Variants in MYBPC1 observed in about 807,000 individuals in gnomAD.
MYBPC1 encodes the protein myosin binding protein C1.
In MYBPC1, 52 loss-of-function variants were observed where a neutral mutation model predicts 147.1. That is an observed-to-expected ratio of 0.35 (90% CI 0.28 to 0.45). The LOEUF (loss-of-function observed/expected upper bound fraction) is 0.45. Ranked by LOEUF, MYBPC1 falls within the 20% of genes least tolerant of loss-of-function variation. The pLI is 1.00. For missense variants in MYBPC1, 1,228 were observed against 1,440.3 expected (o/e 0.85, Z 2.39); for synonymous variants, 477 against 475.9 (o/e 1.00, Z -0.03).
In MYBPC1 at chr12:101,645,044, G is replaced by A. The variant is rs140270957; in HGVS notation, c.965+248G>A. On this transcript the variant is annotated intron_variant, in intron 12 of 31. Transcript: ENST00000361466. The stretch of plus-strand genomic sequence containing the variant: ...TGTTTTCCAATTATGGTTTTGTGTC[G>A]CTATAGGTTATATGTGATTATTTCA... Among the ~76,000 whole-genome samples the A allele has an allele frequency of 3.3e-4, 50 of 151,938 alleles. 1 individual carries two copies. In the East Asian group the frequency reaches 8.7e-3, roughly 26 times the overall value.
intron 2 of MYBPC1, chr12:101,615,001 C>T (rs1885510071): frequency 4.6e-6 from 1 of 216,108 alleles, no homozygotes; most frequent in Non-Finnish European, 9.3e-6. Context: ...CCAGAAACTC[C>T]CTAGCAGCTA....
intron 15 of MYBPC1, chr12:101,650,915 T>A: frequency 2.6e-6 from 1 of 378,990 alleles, no homozygotes; most frequent in Non-Finnish European, 5.0e-6. Context: ...CAGATGTAAA[T>A]GGGTGTGGCT....
At chr12:101,649,461 G>A (rs1247819605) in intron 15 of MYBPC1, 35 bp downstream of exon 15, 9 of 1,607,028 alleles carry the variant, frequency 5.6e-6, no homozygotes, top group Non-Finnish European at 6.0e-6. Flanking sequence ...TTCTCAGTGG[G>A]CTTATTAATG....
chr12:101,627,013 A>G, intron 4 of MYBPC1, 103 bp downstream of exon 4: 1 of 1,090,048 alleles, frequency 9.2e-7, no homozygotes, highest in Non-Finnish European at 1.4e-6. Flanking sequence ...CAGTGCACAG[A>G]GCAGGGGCAA....
Position 101,642,634 on chromosome 12 carries a change from C to T in MYBPC1, c.832+49C>T, listed in dbSNP as rs767469956. 45 of 1,569,150 alleles carry T rather than the reference C, an allele frequency of 2.9e-5. No individual in the cohort carries two copies. The South Asian group carries it at 5.0e-4, about 17-fold the overall frequency. Reference sequence around the variant, plus strand: ...AGCGGCCGAGGGGCGTGGCAGCGTTCGAAAGCCTTGACCGTGAACCCCATC... The same window carrying T: ...AGCGGCCGAGGGGCGTGGCAGCGTTTGAAAGCCTTGACCGTGAACCCCATC... On this transcript the variant is annotated intron_variant, in intron 11 of 31. Coordinates refer to ENST00000361466, the MANE Select transcript of MYBPC1 (RefSeq NM_002465.4).
chr12:101,608,592 T>C (rs771348260), intron 1 of MYBPC1, among the ~76,000 whole-genome samples: 1 of 152,240 alleles, frequency 6.6e-6, no homozygotes, highest in Non-Finnish European at 1.5e-5. Context: ...CTCCCGACCA[T>C]TGCAACACAG....
chr12:101,647,596 C>G (rs187438507), intron 13 of MYBPC1, among the ~76,000 whole-genome samples: 67 of 152,210 alleles, frequency 4.4e-4, no homozygotes, highest in African/African-American at 1.4e-3. Flanking sequence ...CAAAACAAAA[C>G]AAAACTCACA....
intron 29 of MYBPC1, among the ~76,000 whole-genome samples, chr12:101,681,338 C>T (rs1000249707): frequency 6.6e-6 from 1 of 151,716 alleles, no homozygotes; most frequent in Non-Finnish European, 1.5e-5. Flanking sequence ...AATGTGTTTT[C>T]TCTCATTCTT....
intron 22 of MYBPC1, among the ~76,000 whole-genome samples, chr12:101,665,165 C>G (rs1045734803): frequency 6.6e-6 from 1 of 152,002 alleles, no homozygotes; most frequent in Non-Finnish European, 1.5e-5. Context: ...TGCGTGTGGT[C>G]TGTGTAGATA....
intron 2 of MYBPC1, among the ~76,000 whole-genome samples, chr12:101,616,753 C>A (rs948221052): frequency 6.6e-6 from 1 of 152,178 alleles, no homozygotes; most frequent in African/African-American, 2.4e-5. Context: ...ACACTGCACA[C>A]AATTACATAT....
Position 101,685,988 on chromosome 12 carries a change from C to CT in MYBPC1, c.*435dup, listed in dbSNP as rs891524416. On this transcript the variant is annotated 3_prime_UTR_variant, in exon 32 of 32. Coordinates refer to ENST00000361466, the MANE Select transcript of MYBPC1 (RefSeq NM_002465.4). The stretch of plus-strand genomic sequence containing the variant: ...TTGTTTACATAGTAGGCTATAAATG[C>CT]TTTTTTTTTCCTCTCAGAGTAAAAA... 63 of 175,146 alleles carry CT rather than the reference C, an allele frequency of 3.6e-4. No individual in the cohort carries two copies. The highest frequency in any genetic ancestry group is 2.4e-3 in the Middle Eastern group (1 of 422). The allele number at this position is 175,146 out of a possible 1,614,324, so 10.8% of individuals were successfully genotyped here.
intron 5 of MYBPC1, 157 bp from the exon 6 acceptor site, chr12:101,629,277 C>T (rs541918834): frequency 1.5e-6 from 1 of 681,280 alleles, no homozygotes; most frequent in Non-Finnish European, 2.7e-6. Context: ...TTCCCCTCTA[C>T]TGATGGCTGC....
intron 12 of MYBPC1, 24 bp downstream of exon 12, chr12:101,644,820 G>C (rs1168530894): frequency 2.5e-6 from 4 of 1,608,594 alleles, no homozygotes. Flanking sequence ...GCAAAAATCA[G>C]TGATAGCTCT....
At chr12:101,643,964 TAGAA>T (rs1892578035) in intron 11 of MYBPC1, among the ~76,000 whole-genome samples, 1 of 152,328 alleles carries the variant, frequency 6.6e-6, no homozygotes, top group African/African-American at 2.4e-5. Flanking sequence ...ATCTGTGACT[TAGAA>T]GGAGTGCAGA....
At chr12:101,692,934 T>C in the MYBPC1 span, among the ~76,000 whole-genome samples, 12 of 150,096 alleles carry the variant, frequency 8.0e-5, no homozygotes, top group Non-Finnish European at 1.5e-4. Context: ...GGTTTCTATA[T>C]TTATTACCTT....
chr12:101,679,150 A>G (rs1950764803), intron 28 of MYBPC1, among the ~76,000 whole-genome samples: 2 of 68,772 alleles, frequency 2.9e-5, no homozygotes, highest in Admixed American at 2.5e-4. Context: ...CTCCGTCTCA[A>G]AAAAAAAAAA....
chr12:101,691,263 G>A, the MYBPC1 span, among the ~76,000 whole-genome samples: 1 of 152,076 alleles, frequency 6.6e-6, no homozygotes, highest in African/African-American at 2.4e-5. Context: ...GTAGCGACTG[G>A]GCTTCACCGT....
chr12:101,625,460 A>T (rs767209763), intron 3 of MYBPC1, among the ~76,000 whole-genome samples: 1 of 152,170 alleles, frequency 6.6e-6, no homozygotes, highest in Admixed American at 6.5e-5. Context: ...GCTGGCTGAT[A>T]ATATAAACAC....
At chr12:101,661,115 C>G (rs1446498726) in intron 19 of MYBPC1, 43 bp from the exon 20 acceptor site, 2 of 1,328,284 alleles carry the variant, frequency 1.5e-6, no homozygotes, top group African/African-American at 1.4e-5. Context: ...TTTTCTACTC[C>G]CTCTTCCTTA....
Sources: gnomAD v4.1 joint callset for allele counts (sites outside exome capture counted in the v4.1 genomes callset) on GRCh38, gnomAD v4.1.1 for gene constraint, MANE v1.5 for transcripts, NCBI Gene and HGNC (gene_info 2026-07-23, HGNC 2026-07-21) for gene names.